DOCK1: variants seen among roughly 807,000 people sequenced by gnomAD.
DOCK1 encodes the protein dedicator of cytokinesis protein 1.
Under a neutral mutation model 262.7 loss-of-function variants are expected in DOCK1, and 138 were observed. That is an observed-to-expected ratio of 0.53 (90% confidence interval 0.46 to 0.61). DOCK1 has a LOEUF of 0.61. Ranked by LOEUF, DOCK1 falls within the 20% of genes least tolerant of loss-of-function variation. DOCK1 has a pLI of 0.00. For synonymous variants in DOCK1, 866 were observed against 867.4 expected, an observed-to-expected ratio of 1.00 and a Z score of 0.03; for missense variants, 1,908 against 2,370.7, an observed-to-expected ratio of 0.80 and a Z score of 4.05.
chr10:126,945,449 A>G (rs2134287525), intron 1 of DOCK1, among the ~76,000 whole-genome samples: 1 of 150,580 alleles, frequency 6.6e-6, no homozygotes, highest in Non-Finnish European at 1.5e-5. Context: ...AGAGGGGAGA[A>G]GGGGAAAGAG....
At chr10:127,036,315 C>T (rs1170167851) in intron 18 of DOCK1, among the ~76,000 whole-genome samples, 2 of 152,076 alleles carry the variant, frequency 1.3e-5, no homozygotes, top group Non-Finnish European at 2.9e-5. Flanking sequence ...TTTTTGTCTC[C>T]CTATTTTTAA....
intron 4 of DOCK1, among the ~76,000 whole-genome samples, chr10:126,984,818 A>G (rs1328158813): frequency 6.6e-6 from 1 of 152,088 alleles, no homozygotes; most frequent in Non-Finnish European, 1.5e-5. Context: ...TAGTGAGAAC[A>G]CTTAAAATCT....
intron 27 of DOCK1, among the ~76,000 whole-genome samples, chr10:127,192,447 C>T (rs12269277): frequency 0.14 from 22,056 of 152,228 alleles, 1,884 homozygotes; most frequent in African/African-American, 0.23. Context: ...GAAAGAGACA[C>T]ATTTGTCAGG....
chr10:127,091,803 C>G (rs2047548953), intron 23 of DOCK1, among the ~76,000 whole-genome samples: 1 of 152,186 alleles, frequency 6.6e-6, no homozygotes. Context: ...ACCAAAAACA[C>G]ACAGACCCTG....
intron 1 of DOCK1, among the ~76,000 whole-genome samples, chr10:126,929,585 A>C (rs2034029458): frequency 6.6e-6 from 1 of 151,818 alleles, no homozygotes; most frequent in Non-Finnish European, 1.5e-5. Flanking sequence ...GACTGGGAGG[A>C]GCCTGAGGGA....
At chr10:126,952,984 T>C (rs1037854117) in intron 1 of DOCK1, among the ~76,000 whole-genome samples, 1 of 151,272 alleles carries the variant, frequency 6.6e-6, no homozygotes, top group Admixed American at 6.6e-5. Flanking sequence ...TTGTTGGTAG[T>C]ATAGTTAGTG....
At chr10:127,263,741 G>T (rs1010331390) in intron 29 of DOCK1, among the ~76,000 whole-genome samples, 1 of 152,164 alleles carries the variant, frequency 6.6e-6, no homozygotes, top group Non-Finnish European at 1.5e-5. Flanking sequence ...CACGCTTTGT[G>T]TGTGCAGCAT....
At chr10:126,912,838 A>G (rs1015309212) in intron 1 of DOCK1, among the ~76,000 whole-genome samples, 1 of 152,170 alleles carries the variant, frequency 6.6e-6, no homozygotes, top group Non-Finnish European at 1.5e-5. Flanking sequence ...CCTGCCTCCA[A>G]ATACAGTCAC....
intron 29 of DOCK1, among the ~76,000 whole-genome samples, chr10:127,320,765 C>G (rs953877022): frequency 6.6e-6 from 1 of 152,152 alleles, no homozygotes; most frequent in Non-Finnish European, 1.5e-5. Context: ...CTAGGTGTGG[C>G]AGGTGTAGAA....
intron 40 of DOCK1, among the ~76,000 whole-genome samples, chr10:127,406,050 C>T (rs1015926612): frequency 5.3e-5 from 8 of 152,080 alleles, no homozygotes; most frequent in Non-Finnish European, 8.8e-5. Context: ...GGCTTTAATT[C>T]GAGTGTGTGT....
intron 28 of DOCK1, among the ~76,000 whole-genome samples, chr10:127,252,790 C>T (rs950501038): frequency 6.6e-6 from 1 of 151,990 alleles, no homozygotes; most frequent in South Asian, 2.1e-4. Flanking sequence ...GTTACTGTAG[C>T]CTTGTAGTGT....
intron 1 of DOCK1, among the ~76,000 whole-genome samples, chr10:126,940,793 A>G (rs1377061081): frequency 6.6e-6 from 1 of 152,212 alleles, no homozygotes; most frequent in East Asian, 1.9e-4. Flanking sequence ...TAATTAGTTT[A>G]TCAAGTAAAA....
chr10:127,337,528 A>G (rs989911442), intron 29 of DOCK1, among the ~76,000 whole-genome samples: 2 of 152,164 alleles, frequency 1.3e-5, no homozygotes, highest in African/African-American at 2.4e-5. Flanking sequence ...GCTTTATTCA[A>G]ATTTAACTGG....
chr10:127,169,509 A>G (rs935830246), intron 27 of DOCK1, among the ~76,000 whole-genome samples: 2 of 152,198 alleles, frequency 1.3e-5, no homozygotes, highest in Non-Finnish European at 2.9e-5. Flanking sequence ...TTTACAAACC[A>G]TATATCAGGA....
intron 29 of DOCK1, among the ~76,000 whole-genome samples, chr10:127,334,960 T>C (rs2063131898): frequency 6.6e-6 from 1 of 152,162 alleles, no homozygotes; most frequent in Non-Finnish European, 1.5e-5. Context: ...TACACGGTTT[T>C]CTGCAAGGAC....
At chr10:127,111,693 A>T (rs1450730185) in intron 25 of DOCK1, among the ~76,000 whole-genome samples, 1 of 152,154 alleles carries the variant, frequency 6.6e-6, no homozygotes, top group Admixed American at 6.5e-5. Context: ...AAAATTTTAT[A>T]TCTGGGTCTT....
intron 27 of DOCK1, among the ~76,000 whole-genome samples, chr10:127,183,722 A>G (rs1392722430): frequency 6.6e-6 from 1 of 152,232 alleles, no homozygotes; most frequent in Non-Finnish European, 1.5e-5. Context: ...TTTAGCATTC[A>G]TAACACAAAA....
At chr10:127,419,530 AC>A (rs2068369677) in intron 45 of DOCK1, 135 bp from the exon 46 acceptor site, 1 of 777,888 alleles carries the variant, frequency 1.3e-6, no homozygotes, top group South Asian at 1.7e-5. Flanking sequence ...GAAGGGTGTG[AC>A]CCTGAGTCTG....
intron 25 of DOCK1, among the ~76,000 whole-genome samples, chr10:127,123,041 C>T (rs1301433528): frequency 6.6e-6 from 1 of 152,192 alleles, no homozygotes; most frequent in Admixed American, 6.5e-5. Context: ...TTTCTGAGCC[C>T]AGTGCTATGT....
Sources: allele counts gnomAD v4.1 joint callset (sites outside exome capture counted in the v4.1 genomes callset), GRCh38; gene constraint gnomAD v4.1.1; transcripts MANE v1.5; gene names NCBI Gene and HGNC (gene_info 2026-07-23, HGNC 2026-07-21).